DLC1: variants seen among roughly 807,000 people sequenced by gnomAD.
The protein encoded by DLC1 is DLC1 Rho GTPase activating protein, also known as rho GTPase-activating protein 7.
A neutral mutation model predicts 140.3 loss-of-function variants in DLC1; 54 were observed. The observed-to-expected ratio is 0.38, with a 90% CI of 0.31 to 0.48. DLC1 has a LOEUF of 0.48. DLC1 is among the 20% of genes least tolerant of loss of function. The pLI, the probability that DLC1 is intolerant of heterozygous loss-of-function variation, is 0.96. For synonymous variants in DLC1, 986 were observed against 728.1 expected (o/e 1.35, Z -5.70); for missense variants, 2,536 against 1,907.0 (o/e 1.33, Z -6.14).
intron 5 of DLC1, chr8:13,276,595 G>A (rs1292319937): frequency 1.1e-5 from 14 of 1,260,426 alleles, no homozygotes; most frequent in Non-Finnish European, 1.4e-5. Flanking sequence ...GGCCACATCT[G>A]GAAAGACTTA....
At chr8:13,389,868 T>C (rs77569295) in intron 4 of DLC1, among the ~76,000 whole-genome samples, 2 of 152,180 alleles carry the variant, frequency 1.3e-5, no homozygotes, top group Admixed American at 6.5e-5. Context: ...GATTGTGTCA[T>C]TACAGAGCAG....
intron 5 of DLC1, among the ~76,000 whole-genome samples, chr8:13,220,902 GACAGCCTCA>G (rs1828511441): frequency 6.6e-6 from 1 of 152,272 alleles, no homozygotes; most frequent in Middle Eastern, 3.4e-3. Context: ...CAAGCTCAGT[GACAGCCTCA>G]CAGCCAGTCA....
intron 5 of DLC1, among the ~76,000 whole-genome samples, chr8:13,231,376 C>T (rs755248787): frequency 6.6e-6 from 1 of 152,182 alleles, no homozygotes; most frequent in Non-Finnish European, 1.5e-5. Flanking sequence ...TGACTGTGTG[C>T]ATTTGGGCAA....
intron 2 of DLC1, among the ~76,000 whole-genome samples, chr8:13,419,540 A>C (rs1838216366): frequency 6.6e-6 from 1 of 152,148 alleles, no homozygotes; most frequent in Non-Finnish European, 1.5e-5. Flanking sequence ...ATATTGAACC[A>C]CCTGGCATCC....
chr8:13,393,829 A>G (rs1836886133), intron 3 of DLC1, 136 bp from the exon 4 acceptor site: 2 of 1,013,432 alleles, frequency 2.0e-6, no homozygotes, highest in African/African-American at 3.2e-5. Flanking sequence ...GACAACTGAC[A>G]GTGACGTGTC....
At chr8:13,264,718 A>C (rs535542972) in intron 5 of DLC1, among the ~76,000 whole-genome samples, 2 of 152,336 alleles carry the variant, frequency 1.3e-5, no homozygotes, top group African/African-American at 2.4e-5. Context: ...ATATTTAGTA[A>C]AATAATCTTG....
chr8:13,467,783 A>G (rs1472660059), intron 2 of DLC1, among the ~76,000 whole-genome samples: 1 of 152,180 alleles, frequency 6.6e-6, no homozygotes, highest in Non-Finnish European at 1.5e-5. Flanking sequence ...CTTTTTCTGC[A>G]TCTCTTCATA....
chr8:13,398,709 A>G (rs992557161), intron 3 of DLC1, among the ~76,000 whole-genome samples: 1 of 152,166 alleles, frequency 6.6e-6, no homozygotes, highest in Non-Finnish European at 1.5e-5. Context: ...GGAACAGAGC[A>G]ATGGAATTTG....
chr8:13,127,242 G>T (rs932416518), intron 5 of DLC1, among the ~76,000 whole-genome samples: 3 of 152,204 alleles, frequency 2.0e-5, no homozygotes, highest in African/African-American at 7.2e-5. Context: ...TGTGATTCAG[G>T]TTCCTACAAA....
intron 5 of DLC1, among the ~76,000 whole-genome samples, chr8:13,296,175 C>G (rs969678687): frequency 1.3e-5 from 2 of 151,686 alleles, no homozygotes; most frequent in Admixed American, 6.6e-5. Flanking sequence ...AGGCTGGTCT[C>G]GAGCTCTTGG....
At chr8:13,564,959 C>T (rs1465561967) in intron 1 of DLC1, among the ~76,000 whole-genome samples, 1 of 152,200 alleles carries the variant, frequency 6.6e-6, no homozygotes, top group Non-Finnish European at 1.5e-5. Context: ...TTTTGACATT[C>T]CCAACAGCCC....
At chr8:13,413,256 A>ACTTTTTTTTTTTTTTTTTTTTT in intron 2 of DLC1, among the ~76,000 whole-genome samples, 2 of 82,006 alleles carry the variant, frequency 2.4e-5, no homozygotes, top group Admixed American at 1.4e-4. Context: ...TTTTTTTGCG[A>ACTTTTTTTTTTTTTTTTTTTTT]TTTTTTTTTT....
chr8:13,532,800 CTTA>C (rs1297136070), intron 1 of DLC1, among the ~76,000 whole-genome samples: 1 of 152,114 alleles, frequency 6.6e-6, no homozygotes, highest in African/African-American at 2.4e-5. Flanking sequence ...TGTAATACTT[CTTA>C]TTATAATTTC....
chr8:13,455,775 C>G (rs1799357874), intron 2 of DLC1, among the ~76,000 whole-genome samples: 3 of 152,156 alleles, frequency 2.0e-5, no homozygotes, highest in Admixed American at 6.5e-5. Context: ...CTTTGAGAGG[C>G]CAAGGCTGGA....
chr8:13,087,060 C>A (rs940987330), intron 16 of DLC1, among the ~76,000 whole-genome samples: 6 of 152,176 alleles, frequency 3.9e-5, no homozygotes, highest in African/African-American at 1.4e-4. Flanking sequence ...CTCTTTTGCT[C>A]TCCCTTGCCC....
chr8:13,440,760 C>T (rs1041272034), intron 2 of DLC1, among the ~76,000 whole-genome samples: 9 of 152,058 alleles, frequency 5.9e-5, no homozygotes, highest in African/African-American at 7.2e-5. Context: ...ATAAGTCTCA[C>T]GAGATCTGAA....
At chr8:13,121,644 G>A (rs1485674733) in intron 5 of DLC1, among the ~76,000 whole-genome samples, 1 of 152,074 alleles carries the variant, frequency 6.6e-6, no homozygotes, top group African/African-American at 2.4e-5. Context: ...GAACTCTTGG[G>A]CTCAAGAAAC....
chr8:13,252,418 A>G (rs1272808168), intron 5 of DLC1, among the ~76,000 whole-genome samples: 9 of 152,220 alleles, frequency 5.9e-5, no homozygotes, highest in Non-Finnish European at 8.8e-5. Context: ...ACTCTTGTTC[A>G]TTGTTAAGAA....
intron 4 of DLC1, among the ~76,000 whole-genome samples, chr8:13,309,218 G>A (rs986353125): frequency 2.0e-5 from 3 of 152,010 alleles, no homozygotes; most frequent in African/African-American, 7.2e-5. Flanking sequence ...TGGCCATATG[G>A]GTTCGCTGTA....
Sources: allele counts gnomAD v4.1 joint callset (sites outside exome capture counted in the v4.1 genomes callset), GRCh38; gene constraint gnomAD v4.1.1; transcripts MANE v1.5; gene names NCBI Gene and HGNC (gene_info 2026-07-23, HGNC 2026-07-21).